Variants in LRMDA observed in about 807,000 individuals in gnomAD.
LRMDA encodes leucine rich melanocyte differentiation associated, also known as leucine-rich melanocyte differentiation-associated protein.
In LRMDA, 18 loss-of-function variants were observed where a neutral mutation model predicts 29.8. The ratio of observed to expected loss-of-function variants is 0.60; its 90% CI spans 0.42 to 0.90. The LOEUF is 0.90. LRMDA is among the 40% of genes least tolerant of loss of function. The pLI is 0.00. For missense variants in LRMDA, 273 were observed against 273.9 expected (o/e 1.00, Z 0.02); for synonymous variants, 125 against 109.4 (o/e 1.14, Z -0.89).
At position 76,309,148 on chromosome 10, in the gene LRMDA, G is replaced by T. The variant is rs958481456; in HGVS notation, c.517-15253G>T. The stretch of plus-strand genomic sequence containing the variant: ...ATGGATCATTGGGTAAACCAAAAAG[G>T]GAAAGAGGATATGGGAGGAAATGGG... On this transcript the variant is annotated intron_variant, in intron 5 of 6. Coordinates refer to ENST00000611255, the MANE Select transcript of LRMDA (RefSeq NM_001305581.2). 3.9e-5 allele frequency among the ~76,000 whole-genome samples: 6 copies of T among 152,198 alleles called. No homozygotes were observed. In the East Asian group the frequency reaches 5.8e-4, roughly 15 times the overall value.
At chr10:75,726,516 GT>G (rs1213726689) in intron 2 of LRMDA, among the ~76,000 whole-genome samples, 1 of 152,130 alleles carries the variant, frequency 6.6e-6, no homozygotes, top group Non-Finnish European at 1.5e-5. Flanking sequence ...TGCCTGAGTG[GT>G]TTTTACACCA....
chr10:75,483,924 G>T, intron 2 of LRMDA, among the ~76,000 whole-genome samples: 2 of 121,148 alleles, frequency 1.7e-5, no homozygotes. Flanking sequence ...GGCTTTTTTG[G>T]CATTTATGGA....
intron 6 of LRMDA, among the ~76,000 whole-genome samples, chr10:76,385,894 T>A (rs1841653623): frequency 6.6e-6 from 1 of 152,190 alleles, no homozygotes; most frequent in Non-Finnish European, 1.5e-5. Flanking sequence ...AGAGTGCCCA[T>A]AGTAAATGCT....
At chr10:75,707,502 C>G (rs1309262057) in intron 2 of LRMDA, among the ~76,000 whole-genome samples, 2 of 152,164 alleles carry the variant, frequency 1.3e-5, no homozygotes, top group Non-Finnish European at 2.9e-5. Flanking sequence ...CAGGGAAGAG[C>G]CAGTTAGAAA....
intron 2 of LRMDA, among the ~76,000 whole-genome samples, chr10:75,830,655 C>G (rs951516710): frequency 6.6e-6 from 1 of 152,192 alleles, no homozygotes; most frequent in South Asian, 2.1e-4. Context: ...ATTCAGTCAT[C>G]TTCCACCAGG....
intron 3 of LRMDA, among the ~76,000 whole-genome samples, chr10:76,037,411 C>T (rs1848268401): frequency 6.6e-6 from 1 of 152,230 alleles, no homozygotes; most frequent in East Asian, 1.9e-4. Flanking sequence ...TAAGGCTTGG[C>T]ACATATGCAT....
intron 2 of LRMDA, among the ~76,000 whole-genome samples, chr10:75,837,003 T>C (rs896767473): frequency 2.0e-5 from 3 of 152,168 alleles, no homozygotes; most frequent in African/African-American, 7.2e-5. Context: ...TAACTGTACA[T>C]GTAAGCATAG....
intron 5 of LRMDA, among the ~76,000 whole-genome samples, chr10:76,130,201 T>C (rs1362955339): frequency 1.3e-5 from 2 of 151,876 alleles, no homozygotes; most frequent in Admixed American, 6.6e-5. Context: ...CCCAGCTTCA[T>C]ACCCAATCTC....
intron 5 of LRMDA, among the ~76,000 whole-genome samples, chr10:76,214,392 G>A (rs1036241362): frequency 3.1e-5 from 4 of 128,848 alleles, no homozygotes; most frequent in Non-Finnish European, 6.1e-5. Context: ...AGGCCGGACT[G>A]CGTCCGCAGT....
intron 6 of LRMDA, among the ~76,000 whole-genome samples, chr10:76,488,847 T>A (rs1276512909): frequency 1.3e-5 from 2 of 151,884 alleles, no homozygotes; most frequent in Non-Finnish European, 1.5e-5. Context: ...AGATCCTATT[T>A]GATCATGATG....
chr10:76,359,258 A>C (rs147958360), intron 6 of LRMDA, among the ~76,000 whole-genome samples: 1 of 152,326 alleles, frequency 6.6e-6, no homozygotes, highest in Admixed American at 6.5e-5. Context: ...TGGTCATTGA[A>C]AAAATATTGA....
At chr10:76,429,817 T>C (rs1407845025) in intron 6 of LRMDA, among the ~76,000 whole-genome samples, 1 of 152,194 alleles carries the variant, frequency 6.6e-6, no homozygotes, top group Non-Finnish European at 1.5e-5. Context: ...GTAGGGCTCC[T>C]TGGGTTTCCA....
chr10:75,835,664 T>C (rs942814426), intron 2 of LRMDA, among the ~76,000 whole-genome samples: 11 of 152,224 alleles, frequency 7.2e-5, no homozygotes, highest in African/African-American at 2.7e-4. Context: ...TAAAAGGTTT[T>C]ATGCCTTAGA....
At chr10:76,393,659 A>C (rs1841749369) in intron 6 of LRMDA, among the ~76,000 whole-genome samples, 2 of 152,066 alleles carry the variant, frequency 1.3e-5, no homozygotes. Context: ...GAAGCTTTTT[A>C]GTTTGATGTA....
intron 2 of LRMDA, among the ~76,000 whole-genome samples, chr10:75,456,928 G>A (rs967890944): frequency 3.1e-4 from 47 of 152,146 alleles, no homozygotes; most frequent in African/African-American, 1.0e-3. Context: ...CACCTGCCTT[G>A]GCCTCCCAAA....
chr10:76,120,653 T>G (rs1049008513), intron 5 of LRMDA, among the ~76,000 whole-genome samples: 1 of 152,168 alleles, frequency 6.6e-6, no homozygotes, highest in African/African-American at 2.4e-5. Context: ...TGTTTGATGA[T>G]AGAAAGACCA....
chr10:75,836,684 T>A (rs1844442604), intron 2 of LRMDA, among the ~76,000 whole-genome samples: 1 of 152,216 alleles, frequency 6.6e-6, no homozygotes, highest in South Asian at 2.1e-4. Flanking sequence ...GTCTGGAAAT[T>A]CTTGTCCACA....
At chr10:75,509,050 C>A (rs916515164) in intron 2 of LRMDA, among the ~76,000 whole-genome samples, 2 of 152,160 alleles carry the variant, frequency 1.3e-5, no homozygotes, top group Admixed American at 6.5e-5. Flanking sequence ...TTTGTTTCTT[C>A]TTTTTCTTTT....
intron 6 of LRMDA, among the ~76,000 whole-genome samples, chr10:76,435,406 C>A (rs551991922): frequency 6.6e-6 from 1 of 152,326 alleles, no homozygotes; most frequent in South Asian, 2.1e-4. Flanking sequence ...CTGATGCAGT[C>A]ATCTGAGGCC....
Sources: allele counts gnomAD v4.1 joint callset (sites outside exome capture counted in the v4.1 genomes callset), GRCh38; gene constraint gnomAD v4.1.1; transcripts MANE v1.5; gene names NCBI Gene and HGNC (gene_info 2026-07-23, HGNC 2026-07-21).